VGLL1: variants seen among roughly 807,000 people sequenced by gnomAD.
VGLL1 encodes the protein transcription cofactor vestigial-like protein 1.
A neutral mutation model predicts 12.0 loss-of-function variants in VGLL1; 4 were observed. The observed-to-expected ratio is 0.33, with a 90% CI of 0.16 to 0.76. The LOEUF (loss-of-function observed/expected upper bound fraction) is 0.76, where lower values mean the gene tolerates loss of function less well. Ranked by LOEUF, VGLL1 falls within the 30% of genes least tolerant of loss-of-function variation. VGLL1 has a pLI of 0.60. For synonymous variants in VGLL1, 87 were observed against 81.2 expected, an observed-to-expected ratio of 1.07 and a Z score of -0.39; for missense variants, 204 against 208.7, an observed-to-expected ratio of 0.98 and a Z score of 0.14.
chrX:136,546,186 C>G (rs997212841), intron 2 of VGLL1, among the ~76,000 whole-genome samples: 1 of 111,620 alleles, frequency 9.0e-6, no homozygotes, highest in African/African-American at 3.3e-5. Context: ...ATAGGGGGCA[C>G]TTGGATGAAA....
At chrX:136,556,154 A>G (rs1445132760) in intron 4 of VGLL1, among the ~76,000 whole-genome samples, 3 of 111,917 alleles carry the variant, frequency 2.7e-5, no homozygotes, top group African/African-American at 9.7e-5. Flanking sequence ...TGGTTTCTCA[A>G]TCCTAACAAA....
chrX:136,548,597 A>C lies in VGLL1; in HGVS notation c.223A>C (p.Met75Leu). ...EGVMLKNDDS[M>L]SPNQWRYSSP... ...AAATCTTTCCTTCTCAGATGATAGC[A>C]TGTCTCCAAATCAGTGGCGTTACTC... The change falls in exon 3 of 5, where the codon ATG becomes CTG. Residue 75 changes from methionine (M) to leucine (L), a missense_variant. Physicochemically the swap from Met to Leu is conservative, Grantham distance 15 (BLOSUM62 2). Coordinates refer to ENST00000370634, the MANE Select transcript of VGLL1 (RefSeq NM_016267.4). 8.3e-7 allele frequency: 1 copy of C among 1,209,287 alleles called. No homozygotes were observed. The highest frequency in any genetic ancestry group is 1.8e-5 in the South Asian group (1 of 56,889).
intron 2 of VGLL1, among the ~76,000 whole-genome samples, chrX:136,539,599 T>A (rs2075850177): frequency 1.8e-5 from 2 of 111,789 alleles, no homozygotes; most frequent in African/African-American, 6.5e-5. Flanking sequence ...CTTCTCAGTC[T>A]CCTTTGCTAT....
chrX:136,538,928 G>C (rs1371976339), intron 2 of VGLL1, among the ~76,000 whole-genome samples: 1 of 110,123 alleles, frequency 9.1e-6, no homozygotes, highest in African/African-American at 3.3e-5. Context: ...GGTGGGGAGT[G>C]GGGAGGTGAT....
intron 2 of VGLL1, among the ~76,000 whole-genome samples, chrX:136,542,920 G>T (rs190909467): frequency 9.0e-6 from 1 of 111,371 alleles, no homozygotes; most frequent in East Asian, 2.8e-4. Flanking sequence ...CCTTTGCTAG[G>T]GTCTGTCACG....
intron 3 of VGLL1, among the ~76,000 whole-genome samples, chrX:136,549,749 A>C (rs1429814977): frequency 1.8e-5 from 2 of 111,836 alleles, no homozygotes; most frequent in East Asian, 5.5e-4. Flanking sequence ...TTCTTTGTAA[A>C]AGGACGGGGA....
At chrX:136,552,641 C>T (rs1008483063) in intron 4 of VGLL1, among the ~76,000 whole-genome samples, 3 of 111,770 alleles carry the variant, frequency 2.7e-5, no homozygotes, top group Middle Eastern at 4.7e-3. Context: ...TTTACTCAAC[C>T]GATATTCAGT....
intron 3 of VGLL1, chrX:136,550,406 C>T (rs1398501569): frequency 6.7e-6 from 1 of 149,690 alleles, no homozygotes; most frequent in Non-Finnish European, 1.3e-5. Context: ...CAAGGCACAT[C>T]ATGGTGAAAC....
chrX:136,534,693 A>G (rs1187427213), intron 1 of VGLL1, among the ~76,000 whole-genome samples: 3 of 112,199 alleles, frequency 2.7e-5, no homozygotes, highest in African/African-American at 9.7e-5. Context: ...CTGGGTCACA[A>G]GATAAGAATA....
At chrX:136,552,101 G>A (rs1287897588) in intron 4 of VGLL1, among the ~76,000 whole-genome samples, 2 of 111,584 alleles carry the variant, frequency 1.8e-5, no homozygotes, top group African/African-American at 6.5e-5. Context: ...TTGCACAGTG[G>A]TATACAAATT....
At chrX:136,551,622 C>T (rs751014717) in intron 4 of VGLL1, among the ~76,000 whole-genome samples, 2 of 112,028 alleles carry the variant, frequency 1.8e-5, no homozygotes, top group South Asian at 7.5e-4. Flanking sequence ...TAAAATAGTG[C>T]CCACCTCATT....
In VGLL1 at chrX:136,556,659, A is replaced by G. The variant is rs1000932996; in HGVS notation, c.*120A>G. 7.8e-5 allele frequency: 48 copies of G among 615,484 alleles called. No homozygotes were observed. The highest frequency in any genetic ancestry group is 1.2e-4 in the Non-Finnish European group (46 of 391,876). 50.7% of individuals were successfully genotyped at this position (615,484 alleles called of 1,213,427 possible). A position where few individuals can be genotyped will look rare whatever the true frequency, so the allele number is the denominator to read the frequency against. On this transcript the variant is annotated 3_prime_UTR_variant, in exon 5 of 5. Coordinates refer to ENST00000370634, the MANE Select transcript of VGLL1 (RefSeq NM_016267.4). ...CACTTGCCTCCCCAATCTGTTAAAC[A>G]GCTTCGTGTCTAGTATGAGCTCAGT... is the stretch of plus-strand genomic sequence containing the variant.
intron 3 of VGLL1, among the ~76,000 whole-genome samples, chrX:136,549,418 G>T (rs781594124): frequency 8.1e-5 from 9 of 111,426 alleles, no homozygotes; most frequent in Non-Finnish European, 1.5e-4. Context: ...TTGGCAACTT[G>T]CAGTGATGTC....
intron 4 of VGLL1, 110 bp from the exon 5 acceptor site, chrX:136,556,341 G>A: frequency 1.9e-6 from 1 of 530,346 alleles, no homozygotes; most frequent in East Asian, 3.4e-5. Context: ...CTGAGGTTGA[G>A]GACTCTGGTA....
Position 136,548,696 on chromosome X carries a change from G to T in VGLL1, c.322G>T (p.Gly108Cys). ...CGCCAACTGCAACTTGCATGTGCCT[G>T]GTCCCATGGCTGTGAATCAGTTCTC... is the stretch of plus-strand genomic sequence containing the variant. ...RAANCNLHVP[G>C]PMAVNQFSPS... Residue 108 changes from glycine to cysteine, a missense_variant, in exon 3 of 5, where the codon GGT (glycine) becomes TGT (cysteine). Transcript: ENST00000370634. 1 of 1,212,047 alleles carries T rather than the reference G, an allele frequency of 8.3e-7. No individual in the cohort carries two copies. Among genetic ancestry groups the T allele is most frequent in the Non-Finnish European group, 1.1e-6 (1 of 895,594 alleles).
chrX:136,536,305 G>A, intron 2 of VGLL1, 71 bp downstream of exon 2: 1 of 1,042,730 alleles, frequency 9.6e-7, no homozygotes, highest in Non-Finnish European at 1.3e-6. Flanking sequence ...GTTCTTTGAT[G>A]TACTTGACAC....
intron 1 of VGLL1, among the ~76,000 whole-genome samples, chrX:136,534,696 T>C (rs2075834744): frequency 1.8e-5 from 2 of 112,243 alleles, no homozygotes; most frequent in South Asian, 7.4e-4. Flanking sequence ...GGTCACAAGA[T>C]AAGAATATGT....
At chrX:136,534,530 A>G (rs1426992317) in intron 1 of VGLL1, among the ~76,000 whole-genome samples, 2 of 112,489 alleles carry the variant, frequency 1.8e-5, no homozygotes, top group Non-Finnish European at 3.8e-5. Context: ...TAAATATGTC[A>G]CAGCTAATTT....
chrX:136,550,887 G>T, intron 4 of VGLL1, 66 bp downstream of exon 4: 1 of 1,029,367 alleles, frequency 9.7e-7, no homozygotes, highest in Non-Finnish European at 1.4e-6. Context: ...GAGAAATAAG[G>T]CTTCTGTCTA....
Sources: gnomAD v4.1 joint callset for allele counts (sites outside exome capture counted in the v4.1 genomes callset) on GRCh38, gnomAD v4.1.1 for gene constraint, MANE v1.5 for transcripts, NCBI Gene and HGNC (gene_info 2026-07-23, HGNC 2026-07-21) for gene names.